Variants in LRP1B observed in about 807,000 individuals in gnomAD.
LRP1B encodes low-density lipoprotein receptor-related protein 1B.
In LRP1B, 217 loss-of-function variants were observed where a neutral mutation model predicts 556.6. The observed-to-expected ratio is 0.39, with a 90% CI of 0.35 to 0.44. The LOEUF (loss-of-function observed/expected upper bound fraction) is 0.44. Ranked by LOEUF, LRP1B falls within the 20% of genes least tolerant of loss-of-function variation. The probability of loss-of-function intolerance (pLI) is 1.00; values close to 1 mark genes in which losing one functional copy is unlikely to be tolerated. For missense variants in LRP1B, 5,053 were observed against 5,620.8 expected (o/e 0.90, Z 3.23); for synonymous variants, 2,047 against 1,865.8 (o/e 1.10, Z -2.50).
At chr2:140,869,133 C>G (rs1693045657) in intron 25 of LRP1B, among the ~76,000 whole-genome samples, 1 of 152,080 alleles carries the variant, frequency 6.6e-6, no homozygotes. Flanking sequence ...CAAGAATTCC[C>G]CCATTTGAAG....
At chr2:142,113,588 ACAATGTTGTGTT>A (rs1456873744) in intron 1 of LRP1B, among the ~76,000 whole-genome samples, 3 of 152,040 alleles carry the variant, frequency 2.0e-5, no homozygotes, top group Admixed American at 1.3e-4. Flanking sequence ...AAAGAACACA[ACAATGTTGTGTT>A]CATGGTGAAG....
chr2:140,500,877 A>G (rs1251152737), intron 55 of LRP1B, among the ~76,000 whole-genome samples: 1 of 151,950 alleles, frequency 6.6e-6, no homozygotes, highest in Non-Finnish European at 1.5e-5. Flanking sequence ...CCTAATTTTC[A>G]TTAGACTGCC....
At chr2:141,575,477 A>T (rs181362331) in intron 2 of LRP1B, among the ~76,000 whole-genome samples, 25 of 152,362 alleles carry the variant, frequency 1.6e-4, no homozygotes, top group Admixed American at 1.5e-3. Flanking sequence ...CTTAAATGTA[A>T]AACCCCAAAC....
intron 35 of LRP1B, among the ~76,000 whole-genome samples, chr2:140,731,440 GAAGAGTAAGATAAA>G (rs886941587): frequency 3.3e-5 from 5 of 152,104 alleles, no homozygotes; most frequent in African/African-American, 1.2e-4. Flanking sequence ...AAGAGTAAAA[GAAGAGTAAGATAAA>G]AAGAGTAAGA....
At chr2:140,528,352 A>T (rs1337326676) in intron 47 of LRP1B, among the ~76,000 whole-genome samples, 1 of 151,970 alleles carries the variant, frequency 6.6e-6, no homozygotes, top group Non-Finnish European at 1.5e-5. Flanking sequence ...GAACTACATG[A>T]AAATAAATTT....
At chr2:140,311,706 A>T (rs947934105) in intron 83 of LRP1B, among the ~76,000 whole-genome samples, 1 of 151,888 alleles carries the variant, frequency 6.6e-6, no homozygotes, top group Non-Finnish European at 1.5e-5. Flanking sequence ...AGAACCAAAT[A>T]TCCAGTTTTC....
chr2:140,284,393 T>C (rs1030842649), intron 84 of LRP1B, among the ~76,000 whole-genome samples: 1 of 140,228 alleles, frequency 7.1e-6, no homozygotes, highest in Non-Finnish European at 1.5e-5. Flanking sequence ...GCATGGTGGA[T>C]AAAGCTGGAT....
At chr2:141,913,616 C>G (rs1238948522) in intron 1 of LRP1B, among the ~76,000 whole-genome samples, 1 of 152,070 alleles carries the variant, frequency 6.6e-6, no homozygotes, top group Admixed American at 6.5e-5. Context: ...AGGAATACCC[C>G]ACTTGGAAAG....
chr2:142,098,155 C>G (rs1351694054), intron 1 of LRP1B, among the ~76,000 whole-genome samples: 5 of 151,686 alleles, frequency 3.3e-5, no homozygotes, highest in African/African-American at 1.2e-4. Flanking sequence ...ACCACACTAA[C>G]AGTTACCTGC....
At chr2:141,868,064 C>T (rs560198806) in intron 1 of LRP1B, among the ~76,000 whole-genome samples, 2 of 152,276 alleles carry the variant, frequency 1.3e-5, no homozygotes, top group Admixed American at 1.3e-4. Context: ...TCACCTGCTT[C>T]TAACATCTAT....
intron 31 of LRP1B, among the ~76,000 whole-genome samples, chr2:140,820,598 AT>A (rs5834781): frequency 0.33 from 50,817 of 151,988 alleles, 9,331 homozygotes; most frequent in East Asian, 0.5. Context: ...CAACGAAATT[AT>A]TTTTTAAGTG....
intron 41 of LRP1B, among the ~76,000 whole-genome samples, chr2:140,641,890 AC>A (rs1183414931): frequency 6.6e-6 from 1 of 152,262 alleles, no homozygotes; most frequent in African/African-American, 2.4e-5. Flanking sequence ...ACTGGATAAA[AC>A]AGGCTTATTT....
At chr2:141,316,783 G>A (rs1228262026) in intron 3 of LRP1B, among the ~76,000 whole-genome samples, 2 of 152,326 alleles carry the variant, frequency 1.3e-5, no homozygotes, top group East Asian at 3.9e-4. Context: ...CGCCATGGGG[G>A]GTGAGGTGGA....
intron 2 of LRP1B, among the ~76,000 whole-genome samples, chr2:141,730,336 T>A (rs553487338): frequency 6.6e-6 from 1 of 152,156 alleles, no homozygotes; most frequent in Admixed American, 6.5e-5. Context: ...TGATTCAAAC[T>A]GCATTGAGGA....
chr2:141,833,042 A>C (rs529311067), intron 1 of LRP1B, among the ~76,000 whole-genome samples: 2 of 151,852 alleles, frequency 1.3e-5, no homozygotes, highest in Admixed American at 1.3e-4. Context: ...TAAGAGGAAA[A>C]TATGATATTT....
At chr2:141,510,546 T>C (rs1404421660) in intron 2 of LRP1B, among the ~76,000 whole-genome samples, 2 of 152,078 alleles carry the variant, frequency 1.3e-5, no homozygotes, top group Non-Finnish European at 2.9e-5. Flanking sequence ...TACTTTTCAT[T>C]TTATGAAAGA....
At chr2:141,006,851 A>G (rs1697590201) in intron 14 of LRP1B, among the ~76,000 whole-genome samples, 2 of 152,100 alleles carry the variant, frequency 1.3e-5, no homozygotes, top group Non-Finnish European at 2.9e-5. Context: ...TATAAAAGTT[A>G]CAGTAAAAAT....
chr2:141,088,605 G>A (rs1700102904), intron 7 of LRP1B, among the ~76,000 whole-genome samples: 1 of 152,116 alleles, frequency 6.6e-6, no homozygotes, highest in African/African-American at 2.4e-5. Flanking sequence ...GAGGTCATAT[G>A]CCATAGGATG....
rs1392970429 is a variant in LRP1B at position 140,532,236 on chromosome 2, T to C, written c.7762+1785A>G. On this transcript the variant is annotated intron_variant, in intron 47 of 90. Transcript: ENST00000389484. ...ACAATCCTATTCTTTTCATTCCTTT[T>C]TGAAATGTAAATTTGATTATATTTG... Among the ~76,000 whole-genome samples the C allele has an allele frequency of 2.0e-5, 3 of 152,154 alleles. No homozygotes were observed. The East Asian group carries it at 5.8e-4, about 29-fold the overall frequency.
Sources: allele counts gnomAD v4.1 joint callset (sites outside exome capture counted in the v4.1 genomes callset), GRCh38; gene constraint gnomAD v4.1.1; transcripts MANE v1.5; gene names NCBI Gene and HGNC (gene_info 2026-07-23, HGNC 2026-07-21).